The following KCND3 variants were observed in gnomAD, a reference collection of about 807,000 sequenced individuals.
The protein encoded by KCND3 is A-type voltage-gated potassium channel KCND3.
Under a neutral mutation model 51.1 loss-of-function variants are expected in KCND3, and 9 were observed. The ratio of observed to expected loss-of-function variants is 0.18; its 90% CI spans 0.11 to 0.31. KCND3 has a LOEUF of 0.31. Ranked by LOEUF, KCND3 falls within the 10% of genes least tolerant of loss-of-function variation. KCND3 has a pLI of 1.00. For synonymous variants in KCND3, 349 were observed against 368.0 expected (o/e 0.95, Z 0.59); for missense variants, 526 against 903.8 (o/e 0.58, Z 5.36).
At chr1:111,964,922 G>A (rs1208231997) in intron 2 of KCND3, among the ~76,000 whole-genome samples, 1 of 152,082 alleles carries the variant, frequency 6.6e-6, no homozygotes, top group Non-Finnish European at 1.5e-5. Context: ...TCTGTGCATA[G>A]TGACCACACC....
chr1:111,777,334 C>T (rs1158680857), intron 6 of KCND3, 61 bp from the exon 7 acceptor site: 4 of 1,562,692 alleles, frequency 2.6e-6, no homozygotes, highest in East Asian at 4.5e-5. Flanking sequence ...AGGTAAGCCC[C>T]TATACTCTGT....
At chr1:111,934,439 A>T (rs1457725676) in intron 2 of KCND3, among the ~76,000 whole-genome samples, 2 of 152,264 alleles carry the variant, frequency 1.3e-5, no homozygotes, top group Non-Finnish European at 2.9e-5. Context: ...AACCAGAGCT[A>T]GGAGATGCTG....
At chr1:111,900,918 T>C (rs886565448) in intron 2 of KCND3, among the ~76,000 whole-genome samples, 3 of 151,966 alleles carry the variant, frequency 2.0e-5, no homozygotes, top group Non-Finnish European at 4.4e-5. Context: ...GATCACACCA[T>C]TGCACTCCAG....
intron 2 of KCND3, among the ~76,000 whole-genome samples, chr1:111,825,054 A>G (rs1012626200): frequency 3.3e-5 from 5 of 152,204 alleles, no homozygotes; most frequent in African/African-American, 1.2e-4. Flanking sequence ...CATCAAATTA[A>G]GACTTCTCTT....
At chr1:111,866,471 C>T (rs1196266120) in intron 2 of KCND3, among the ~76,000 whole-genome samples, 1 of 151,794 alleles carries the variant, frequency 6.6e-6, no homozygotes, top group Non-Finnish European at 1.5e-5. Flanking sequence ...TGCCATGTTG[C>T]CCATGCTGGT....
At chr1:111,779,465 A>G (rs955190174) in intron 5 of KCND3, among the ~76,000 whole-genome samples, 1 of 152,164 alleles carries the variant, frequency 6.6e-6, no homozygotes, top group African/African-American at 2.4e-5. Flanking sequence ...AAGGAGCAGG[A>G]AGGCTTTCAC....
intron 2 of KCND3, among the ~76,000 whole-genome samples, chr1:111,876,773 A>C (rs1047082529): frequency 6.6e-6 from 1 of 152,248 alleles, no homozygotes; most frequent in Non-Finnish European, 1.5e-5. Context: ...GAAGAGGAGC[A>C]AAGGGAAATG....
At chr1:111,927,290 A>G (rs1671749477) in intron 2 of KCND3, among the ~76,000 whole-genome samples, 1 of 152,214 alleles carries the variant, frequency 6.6e-6, no homozygotes, top group African/African-American at 2.4e-5. Context: ...CTCTTACCAC[A>G]GAAGCCTGCA....
chr1:111,982,468 C>T lies in KCND3; in HGVS notation c.259G>A (p.Asp87Asn). Residue 87 changes from aspartate to asparagine, a missense_variant, in exon 2 of 8, where the codon GAC becomes AAC. Physicochemically the swap from Asp to Asn is conservative, Grantham distance 23 (BLOSUM62 1). Coordinates refer to ENST00000302127, the MANE Select transcript of KCND3 (RefSeq NM_001378969.1). This position sits in a 1 kb window ranked among gnomAD's most constrained non-coding sequence, Gnocchi z 8.5. Reference protein sequence around the residue: ...EDTKEYFFDRDPEVFRCVLNF... With the variant: ...EDTKEYFFDRNPEVFRCVLNF... ...AGCACGCAGCGGAACACCTCGGGGTCCCGGTCGAAGAAGTACTCCTTGGTG... is the reference window on the plus strand; with the variant it reads ...AGCACGCAGCGGAACACCTCGGGGTTCCGGTCGAAGAAGTACTCCTTGGTG... The T allele has an allele frequency of 1.2e-6, 2 of 1,611,940 alleles. No individual in the cohort carries two copies. The highest frequency in any genetic ancestry group is 1.7e-6 in the Non-Finnish European group (2 of 1,178,256).
intron 2 of KCND3, among the ~76,000 whole-genome samples, chr1:111,876,283 T>C (rs1193381080): frequency 6.6e-6 from 1 of 152,224 alleles, no homozygotes; most frequent in Non-Finnish European, 1.5e-5. Context: ...AATTCTACAT[T>C]CTATAATTCC....
intron 2 of KCND3, among the ~76,000 whole-genome samples, chr1:111,917,588 G>T (rs1232533724): frequency 2.6e-5 from 4 of 152,222 alleles, no homozygotes; most frequent in African/African-American, 7.2e-5. Context: ...AGGAATCGGG[G>T]AGGGCCATTG....
intron 2 of KCND3, among the ~76,000 whole-genome samples, chr1:111,938,258 T>C (rs1349588368): frequency 2.0e-5 from 3 of 152,206 alleles, no homozygotes; most frequent in Admixed American, 6.5e-5. Flanking sequence ...GTCTAGAGTA[T>C]GTTGGTTTGT....
intron 2 of KCND3, among the ~76,000 whole-genome samples, chr1:111,802,084 C>G (rs902555520): frequency 2.6e-5 from 4 of 152,260 alleles, no homozygotes; most frequent in African/African-American, 9.6e-5. Flanking sequence ...AATAAACTAC[C>G]TCACAGGGTT....
In KCND3 at chr1:111,772,246, GTCTTC is replaced by G. The variant is rs943592902; in HGVS notation, c.*3826_*3830del. 1.3e-5 allele frequency: 2 copies of G among 151,910 alleles called. No homozygotes were observed. The highest frequency in any genetic ancestry group is 4.8e-5 in the African/African-American group (2 of 41,390). 9.4% of individuals were successfully genotyped at this position (151,910 alleles called of 1,614,324 possible). Reference sequence around the variant, plus strand: ...TATGCTTCAAAATGTCACTGTCCTAGTCTTCTCTTCATTGAGAAGAGAAAATATTT... The same window carrying G: ...TATGCTTCAAAATGTCACTGTCCTAGTCTTCATTGAGAAGAGAAAATATTT... On this transcript the variant is annotated 3_prime_UTR_variant, in exon 8 of 8. Coordinates refer to ENST00000302127, the MANE Select transcript of KCND3 (RefSeq NM_001378969.1).
At chr1:111,799,443 A>G (rs1482394644) in intron 2 of KCND3, among the ~76,000 whole-genome samples, 1 of 152,222 alleles carries the variant, frequency 6.6e-6, no homozygotes, top group Admixed American at 6.5e-5. Flanking sequence ...AAAGAGTTAA[A>G]TGTTAACATT....
chr1:111,883,371 C>A (rs781550057), intron 2 of KCND3, among the ~76,000 whole-genome samples: 1 of 152,252 alleles, frequency 6.6e-6, no homozygotes, highest in Non-Finnish European at 1.5e-5. Context: ...AAACATTCAT[C>A]ATTCCCTGCT....
chr1:111,840,830 G>A (rs1297760921), intron 2 of KCND3, among the ~76,000 whole-genome samples: 4 of 152,156 alleles, frequency 2.6e-5, no homozygotes, highest in African/African-American at 9.7e-5. Context: ...CTCGGATGAC[G>A]TGGCTGCTCC....
At chr1:111,839,488 A>C (rs1667227574) in intron 2 of KCND3, among the ~76,000 whole-genome samples, 2 of 152,250 alleles carry the variant, frequency 1.3e-5, no homozygotes, top group African/African-American at 2.4e-5. Flanking sequence ...CCCAAGGAGC[A>C]GTCCTTTACC....
intron 2 of KCND3, among the ~76,000 whole-genome samples, chr1:111,835,501 A>C (rs918343479): frequency 8.5e-5 from 13 of 152,266 alleles, no homozygotes; most frequent in African/African-American, 3.1e-4. Flanking sequence ...GGTCACAAAG[A>C]CCCTGCTGAT....
Sources: allele counts gnomAD v4.1 joint callset (sites outside exome capture counted in the v4.1 genomes callset), GRCh38; gene constraint gnomAD v4.1.1; non-coding constraint Gnocchi (gnomAD v3.1); transcripts MANE v1.5; gene names NCBI Gene and HGNC (gene_info 2026-07-23, HGNC 2026-07-21).